TRIM29: variants seen among roughly 807,000 people sequenced by gnomAD.
TRIM29 encodes tripartite motif containing 29.
A neutral mutation model predicts 57.3 loss-of-function variants in TRIM29; 52 were observed. The ratio of observed to expected loss-of-function variants is 0.91; its 90% CI spans 0.73 to 1.14. The LOEUF (loss-of-function observed/expected upper bound fraction) is 1.14. Among genes scored for constraint, TRIM29 ranks in the 50% most tolerant of loss-of-function variants. The pLI is 0.00. For missense variants in TRIM29, 753 were observed against 774.6 expected (o/e 0.97, Z 0.33); for synonymous variants, 319 against 316.9 (o/e 1.01, Z -0.07).
intron 1 of TRIM29, among the ~76,000 whole-genome samples, chr11:120,130,912 C>A (rs1485908536): frequency 2.6e-5 from 4 of 152,204 alleles, no homozygotes; most frequent in Non-Finnish European, 1.5e-5. Context: ...AGATTGGGAT[C>A]CAGATGAAGT....
At chr11:120,133,837 T>C (rs530054318) in intron 1 of TRIM29, among the ~76,000 whole-genome samples, 1 of 151,110 alleles carries the variant, frequency 6.6e-6, no homozygotes, top group African/African-American at 2.4e-5. Context: ...GTTGAGAGAG[T>C]GGAGGAGGTG....
chr11:120,126,568 C>T (rs540098379), intron 3 of TRIM29, among the ~76,000 whole-genome samples: 5 of 152,158 alleles, frequency 3.3e-5, no homozygotes, highest in Admixed American at 2.0e-4. Context: ...AACTTTTACA[C>T]GCCATGCTCA....
At chr11:120,128,792 C>A in intron 1 of TRIM29, 1 of 1,532,062 alleles carries the variant, frequency 6.5e-7, no homozygotes, top group East Asian at 2.5e-5. Flanking sequence ...CTCCACCCAG[C>A]AAGAGCAGGA....
intron 7 of TRIM29, 27 bp downstream of exon 7, chr11:120,118,196 A>G: frequency 6.2e-7 from 1 of 1,603,252 alleles, no homozygotes; most frequent in Non-Finnish European, 8.5e-7. Context: ...TGTGGAGGAA[A>G]GCAGGGGCCA....
rs1863189507 is a variant in TRIM29 at position 120,113,497 on chromosome 11, TC to T, written c.1705-1022del. On this transcript the variant is annotated intron_variant, in intron 8 of 8. Transcript: ENST00000341846. ...TGAGCCCACTCCCATGCCCTGCAGA[TC>T]CCAATACAGGAGACATCATTTGCCC... 7.3e-5 allele frequency: 28 copies of T among 384,930 alleles called. 1 individual carries two copies. Among genetic ancestry groups the T allele is most frequent in the South Asian group, 5.1e-4 (27 of 52,644 alleles). 23.8% of individuals were successfully genotyped at this position (384,930 alleles called of 1,614,324 possible). A position where few individuals can be genotyped will look rare whatever the true frequency, so the allele number is the denominator to read the frequency against.
chr11:120,131,125 T>G (rs146927141), intron 1 of TRIM29, among the ~76,000 whole-genome samples: 73 of 151,882 alleles, frequency 4.8e-4, no homozygotes, highest in African/African-American at 1.8e-3. Flanking sequence ...CCAGAGAAGG[T>G]GAAGGCCAGG....
At chr11:120,135,962 G>A (rs1434846620) in intron 1 of TRIM29, among the ~76,000 whole-genome samples, 1 of 152,138 alleles carries the variant, frequency 6.6e-6, no homozygotes, top group African/African-American at 2.4e-5. Flanking sequence ...GTGGGGCAAA[G>A]GGCAGTGGCC....
Position 120,125,819 on chromosome 11 carries a change from C to G in TRIM29, c.1205G>C (p.Gly402Ala). 1 of 1,614,178 alleles carries G rather than the reference C, an allele frequency of 6.2e-7. No homozygotes were observed. The highest frequency in any genetic ancestry group is 8.5e-7 in the Non-Finnish European group (1 of 1,180,046). ...GCCTAGTGACTGTCCCAGGCCCTCCCCCTCCAGCAGGACATGATAGGTGGG... is the reference window on the plus strand; with the variant it reads ...GCCTAGTGACTGTCCCAGGCCCTCCGCCTCCAGCAGGACATGATAGGTGGG... The part of the protein sequence containing the change: ...PLPTYHVLLE[G>A]EGLGQSLGNF... The change falls in exon 4 of 9, where the codon GGG (glycine) becomes GCG (alanine). Residue 402 changes from glycine (G) to alanine (A), a missense_variant. Transcript: ENST00000341846.
At chr11:120,128,733 CT>C in intron 1 of TRIM29, 1 of 1,535,580 alleles carries the variant, frequency 6.5e-7, no homozygotes, top group Non-Finnish European at 8.7e-7. Context: ...GCCACTAGGG[CT>C]GGATATCCTA....
chr11:120,131,046 T>C (rs1565320651), intron 1 of TRIM29, among the ~76,000 whole-genome samples: 1 of 152,012 alleles, frequency 6.6e-6, no homozygotes, highest in Non-Finnish European at 1.5e-5. Context: ...TGGAGGACAC[T>C]GGTGGAAATG....
intron 4 of TRIM29, chr11:120,123,544 G>GTGCCTCCCTCCTGCTCTTGCTGGGT: frequency 2.3e-6 from 1 of 435,792 alleles, no homozygotes; most frequent in Non-Finnish European, 4.6e-6. Flanking sequence ...CTAAGGTGAG[G>GTGCCTCCCTCCTGCTCTTGCTGGGT]GGATGAGGTC....
chr11:120,112,273 A>G lies in TRIM29; in HGVS notation c.*141T>C. 4.3e-6 allele frequency: 4 copies of G among 939,390 alleles called. No homozygotes were observed. Among genetic ancestry groups the G allele is most frequent in the Non-Finnish European group, 6.4e-6 (4 of 623,102 alleles). 58.2% of individuals were successfully genotyped at this position (939,390 alleles called of 1,614,324 possible). On this transcript the variant is annotated 3_prime_UTR_variant, in exon 9 of 9. Coordinates refer to ENST00000341846, the MANE Select transcript of TRIM29 (RefSeq NM_012101.4). ...GTCGGAGAGGCCGGAACTGCCCCCA[A>G]GAGGCTGGCAGAGGGCTGCAGAGGG...
intron 1 of TRIM29, among the ~76,000 whole-genome samples, chr11:120,133,003 C>G (rs1863748650): frequency 6.6e-6 from 1 of 152,176 alleles, no homozygotes; most frequent in African/African-American, 2.4e-5. Flanking sequence ...TTAGCACCCC[C>G]CTCAGTCTCC....
chr11:120,128,711 C>T (rs1198274039), intron 1 of TRIM29: 2 of 1,535,558 alleles, frequency 1.3e-6, no homozygotes, highest in African/African-American at 1.4e-5. Flanking sequence ...TACCATCTTG[C>T]TGTATTCTCA....
At position 120,112,477 on chromosome 11, in the gene TRIM29, C is replaced by A. The variant is rs1388333391; in HGVS notation, c.1705-1G>T. On this transcript the variant is annotated splice_acceptor_variant, in intron 8 of 8. Coordinates refer to ENST00000341846, the MANE Select transcript of TRIM29 (RefSeq NM_012101.4). LOFTEE classifies it high-confidence loss of function. ...TGACGTAGAATGGCCGGTAGTGAGA[C>A]TGTGGGGGAAACAAGAGTGGTCAGC... is the stretch of plus-strand genomic sequence containing the variant. The A allele has an allele frequency of 6.2e-7, 1 of 1,613,752 alleles. No homozygotes were observed. Among genetic ancestry groups the A allele is most frequent in the African/African-American group, 1.3e-5 (1 of 75,002 alleles).
chr11:120,137,205 G>A lies in TRIM29; in HGVS notation c.804+23C>T. ...GGTGAGAGAGGAGAGGCCTGGAGGG[G>A]CAGGAGGGGCCCCAGCACTTACCTC... On this transcript the variant is annotated intron_variant, in intron 1 of 8. Transcript: ENST00000341846. This position sits in a 1 kb window ranked among gnomAD's most constrained non-coding sequence, Gnocchi z 6.2. 2.5e-6 allele frequency: 4 copies of A among 1,611,454 alleles called. No homozygotes were observed. The highest frequency in any genetic ancestry group is 3.4e-6 in the Non-Finnish European group (4 of 1,178,408).
rs756385602 is a variant in TRIM29, at chr11:120,117,922, G to C, written c.1627+301C>G. ...AAGCAGCATCCTGAGGATCAGAGAG[G>C]TCGAGTGCAGGGGGTATGGCATGTC... On this transcript the variant is annotated intron_variant, in intron 7 of 8. Transcript: ENST00000341846. 9 of 399,648 alleles carry C rather than the reference G, an allele frequency of 2.3e-5. 1 individual carries two copies. Among genetic ancestry groups the C allele is most frequent in the Non-Finnish European group, 3.7e-5 (8 of 218,302 alleles). The allele number at this position is 399,648 out of a possible 1,614,324, so 24.8% of individuals were successfully genotyped here. A position where few individuals can be genotyped will look rare whatever the true frequency, so the allele number is the denominator to read the frequency against.
In TRIM29 at chr11:120,115,333, CT is replaced by C. The variant is rs779181939; in HGVS notation, c.1704+4del. 1.1e-5 allele frequency: 17 copies of C among 1,612,884 alleles called. No individual in the cohort carries two copies. In the South Asian group the frequency reaches 1.7e-4, roughly 16 times the overall value. On this transcript the variant is annotated splice_donor_region_variant and intron_variant, in intron 8 of 8. Coordinates refer to ENST00000341846, the MANE Select transcript of TRIM29 (RefSeq NM_012101.4). The stretch of plus-strand genomic sequence containing the variant: ...CCCAGGCCCTCCCGGCAGCACTTCC[CT>C]TACCAGCATAGTCTGCTTGCCAGAT...
intron 1 of TRIM29, among the ~76,000 whole-genome samples, chr11:120,136,789 CAA>C (rs11310050): frequency 0.68 from 96,242 of 140,506 alleles, 32,147 homozygotes; most frequent in Non-Finnish European, 0.72. Flanking sequence ...TTCTTCAAAG[CAA>C]AAAAAAAAAA....
Sources: gnomAD v4.1 joint callset for allele counts (sites outside exome capture counted in the v4.1 genomes callset) on GRCh38, gnomAD v4.1.1 for gene constraint, Gnocchi (gnomAD v3.1) non-coding constraint, MANE v1.5 for transcripts, NCBI Gene and HGNC (gene_info 2026-07-23, HGNC 2026-07-21) for gene names.